SMG1: variants seen among roughly 807,000 people sequenced by gnomAD.
SMG1 encodes the protein serine/threonine-protein kinase SMG1.
Under a neutral mutation model 419.9 loss-of-function variants are expected in SMG1, and 22 were observed. The ratio of observed to expected loss-of-function variants is 0.05; its 90% CI spans 0.04 to 0.07. The LOEUF is 0.07. SMG1 is among the 10% of genes least tolerant of loss of function. The pLI is 1.00. For missense variants in SMG1, 3,185 were observed against 4,342.0 expected, an observed-to-expected ratio of 0.73 and a Z score of 7.49; for synonymous variants, 1,538 against 1,553.5, an observed-to-expected ratio of 0.99 and a Z score of 0.23.
At chr16:18,902,563 G>A (rs978158918) in intron 1 of SMG1, among the ~76,000 whole-genome samples, 2 of 152,090 alleles carry the variant, frequency 1.3e-5, no homozygotes, top group African/African-American at 4.8e-5. Flanking sequence ...AGCCAGGCGA[G>A]GTGGTATGCG....
In SMG1 at chr16:18,845,423, C is replaced by T; in HGVS notation, c.6219+6G>A. 6.2e-7 allele frequency: 1 copy of T among 1,612,474 alleles called. No individual in the cohort carries two copies. The highest frequency in any genetic ancestry group is 8.5e-7 in the Non-Finnish European group (1 of 1,178,846). On this transcript the variant is annotated splice_donor_region_variant and intron_variant, in intron 39 of 62. Transcript: ENST00000446231. The stretch of plus-strand genomic sequence containing the variant: ...TTTCAGTAGCATGCTTGGGATTATT[C>T]TGTACCTCTTTAAATGGAATCCAGC...
chr16:18,866,579 C>A lies in SMG1; in HGVS notation c.3350+42G>T, dbSNP rs745929329. On this transcript the variant is annotated intron_variant, in intron 23 of 62. Coordinates refer to ENST00000446231, the MANE Select transcript of SMG1 (RefSeq NM_015092.5). Reference sequence around the variant, plus strand: ...CAGTGAGTAATACACAGAACTTAAACATAAAGTAATTCTATCACCCATTTC... The same window carrying A: ...CAGTGAGTAATACACAGAACTTAAAAATAAAGTAATTCTATCACCCATTTC... 1.9e-6 allele frequency: 3 copies of A among 1,559,536 alleles called. No homozygotes were observed. The East Asian group carries it at 6.7e-5, about 35-fold the overall frequency.
intron 55 of SMG1, 129 bp downstream of exon 55, chr16:18,827,902 A>G: frequency 2.9e-6 from 2 of 689,930 alleles, no homozygotes; most frequent in South Asian, 9.6e-5. Flanking sequence ...AGTGAAAAAA[A>G]TTATGCTCTT....
At chr16:18,827,918 T>G (rs1467124360) in intron 55 of SMG1, 113 bp downstream of exon 55, 2 of 1,041,986 alleles carry the variant, frequency 1.9e-6, no homozygotes, top group African/African-American at 3.3e-5. Context: ...CTCTTCTGGC[T>G]TACAAGCCAA....
intron 1 of SMG1, 133 bp from the exon 2 acceptor site, chr16:18,897,089 G>A: frequency 1.6e-6 from 1 of 606,464 alleles, no homozygotes; most frequent in Non-Finnish European, 2.8e-6. Flanking sequence ...TATATTATAT[G>A]TAAGCACTCA....
chr16:18,877,839 G>C (rs1322330194), intron 11 of SMG1: 1 of 152,140 alleles, frequency 6.6e-6, no homozygotes, highest in East Asian at 1.9e-4. Context: ...GTATTTTACA[G>C]TTATCATGGG....
In SMG1 at chr16:18,842,323, G is replaced by C; in HGVS notation, c.6351C>G (p.Asp2117Glu). 2 of 1,614,014 alleles carry C rather than the reference G, an allele frequency of 1.2e-6. No individual in the cohort carries two copies. The highest frequency in any genetic ancestry group is 3.3e-5 in the Admixed American group (2 of 60,026). ...IALPGEVSAR[D>E]TVTIHSVGGT... is the part of the protein sequence containing the mutation. ...CGCCCACACTATGGATTGTGACAGT[G>C]TCTCTGGCTGAGACTTCCCCAGGAA... The change falls in exon 40 of 63, where the codon GAC becomes GAG. Residue 2117 changes from aspartate to glutamate, a missense_variant. Physicochemically the swap from Asp to Glu is conservative, Grantham distance 45. This residue lies in a region of SMG1 where 159 missense variants were observed against 196.0 expected (regional missense o/e 0.81). Coordinates refer to ENST00000446231, the MANE Select transcript of SMG1 (RefSeq NM_015092.5).
chr16:18,900,014 G>C, intron 1 of SMG1: 1 of 1,530,622 alleles, frequency 6.5e-7, no homozygotes, highest in Non-Finnish European at 8.7e-7. Flanking sequence ...GTATAATATG[G>C]AGCCTTTGTG....
At chr16:18,883,997 T>G (rs1259802083) in intron 9 of SMG1, 73 bp downstream of exon 9, 5 of 574,000 alleles carry the variant, frequency 8.7e-6, no homozygotes, top group Admixed American at 3.5e-5. Flanking sequence ...CTGAGCCATT[T>G]TAAAATAAAT....
rs67247211 is a variant in SMG1, at chr16:18,831,774, C to CATAT, written c.8792+1162_8792+1165dup. ...CATCTCAAAAAAAAAAAAAAAAATA[C>CATAT]ATATATATATATATATACACACACA... On this transcript the variant is annotated intron_variant, in intron 51 of 62. Transcript: ENST00000446231. Among the ~76,000 whole-genome samples the CATAT allele has an allele frequency of 4.1e-3, 523 of 129,094 alleles. 4 individuals carry two copies. Among genetic ancestry groups the CATAT allele is most frequent in the African/African-American group, 9.0e-3 (300 of 33,220 alleles). The allele number at this position is 129,094 out of a possible 152,430, so 84.7% of individuals were successfully genotyped here.
At position 18,850,383 on chromosome 16, in the gene SMG1, A is replaced by G. The variant is rs201727799; in HGVS notation, c.5137T>C (p.Ser1713Pro). The G allele has an allele frequency of 1.2e-5, 19 of 1,613,888 alleles. No homozygotes were observed. The highest frequency in any genetic ancestry group is 3.3e-5 in the South Asian group (3 of 91,084). The change falls in exon 34 of 63, where the codon TCA (serine) becomes CCA (proline). Residue 1713 changes from serine (S) to proline (P), a missense_variant. Physicochemically the swap from Ser to Pro is moderately conservative, Grantham distance 74 (BLOSUM62 -1). Coordinates refer to ENST00000446231, the MANE Select transcript of SMG1 (RefSeq NM_015092.5). ...AGTTCTGAAAGCCATGGGCAGCTTG[A>G]TATCAACTGACGCCAGATAACATCA... ...MVDVIWRQLI[S>P]SCPWLSELDE...
At position 18,837,354 on chromosome 16, in the gene SMG1, T is replaced by C. The variant is rs2033640726; in HGVS notation, c.7503A>G (p.Gln2501=). Residue 2501 remains glutamine (Q), a synonymous_variant, in exon 46 of 63, where the codon CAA becomes CAG. Transcript: ENST00000446231. ...SLDEYLSLQE[Q]LTDVEKLQGK... ...CCTGCAGTTTTTCCACATCTGTCAG[T>C]TGCTCTTGCAAGCTTAGGTATTCAT... is the stretch of plus-strand genomic sequence containing the variant. 4.3e-6 allele frequency: 7 copies of C among 1,613,904 alleles called. No individual in the cohort carries two copies. The highest frequency in any genetic ancestry group is 1.3e-5 in the African/African-American group (1 of 74,930).
chr16:18,870,975 A>T, intron 16 of SMG1, 87 bp from the exon 17 acceptor site: 1 of 733,054 alleles, frequency 1.4e-6, no homozygotes, highest in East Asian at 2.7e-5. Context: ...CCATTCATTC[A>T]TTCAACAAAG....
rs1259848693 is a variant in SMG1 at position 18,869,173 on chromosome 16, G to C, written c.2764C>G (p.Gln922Glu). ...CTCAGCTTAGAAAGAACAGTGAATT[G>C]TGCAGCTTCCCATATGGCCCACTGC... ...LWQWAIWEAA[Q>E]FTVLSKLRTP... Residue 922 changes from glutamine to glutamate, a missense_variant, in exon 20 of 63, where the codon CAA becomes GAA. Gln to Glu is a conservative substitution (Grantham distance 29). This residue lies in a region of SMG1 where 48 missense variants were observed against 48.8 expected (regional missense o/e 0.98). Transcript: ENST00000446231. The C allele has an allele frequency of 1.9e-6, 3 of 1,611,658 alleles. No individual in the cohort carries two copies. In the Admixed American group the frequency reaches 5.0e-5, roughly 27 times the overall value.
At chr16:18,885,893 C>T (rs2036592059) in intron 6 of SMG1, among the ~76,000 whole-genome samples, 1 of 152,002 alleles carries the variant, frequency 6.6e-6, no homozygotes, top group African/African-American at 2.4e-5. Flanking sequence ...TTGCAGTGAG[C>T]TGAGATTGCA....
chr16:18,842,080 C>A, intron 40 of SMG1, 128 bp downstream of exon 40: 1 of 1,023,962 alleles, frequency 9.8e-7, no homozygotes, highest in Non-Finnish European at 1.4e-6. Flanking sequence ...AGATATAGGG[C>A]ACTGCAGGCT....
At chr16:18,814,877 CTTTTTTT>C (rs10582593) in intron 60 of SMG1, among the ~76,000 whole-genome samples, 1 of 123,988 alleles carries the variant, frequency 8.1e-6, no homozygotes, top group African/African-American at 3.1e-5. Context: ...CTCGCCCGGC[CTTTTTTT>C]TTTTTTTTTT....
At chr16:18,891,782 C>A (rs1279797079) in intron 4 of SMG1, among the ~76,000 whole-genome samples, 4 of 152,190 alleles carry the variant, frequency 2.6e-5, no homozygotes, top group African/African-American at 9.6e-5. Flanking sequence ...AAAAATTTAA[C>A]CCTTCCTATA....
chr16:18,854,406 T>C (rs575166025), intron 30 of SMG1, among the ~76,000 whole-genome samples: 58 of 152,212 alleles, frequency 3.8e-4, no homozygotes, highest in Non-Finnish European at 6.0e-4. Context: ...TAAAAAAACA[T>C]GTAAATTCAG....
Sources: gnomAD v4.1 joint callset for allele counts (sites outside exome capture counted in the v4.1 genomes callset) on GRCh38, gnomAD v4.1.1 for gene constraint, gnomAD v4.1.1 regional missense constraint, MANE v1.5 for transcripts, NCBI Gene and HGNC (gene_info 2026-07-23, HGNC 2026-07-21) for gene names.